Variants in ETV7 observed in about 807,000 individuals in gnomAD.
ETV7 encodes ETS variant transcription factor 7, also known as transcription factor ETV7.
A neutral mutation model predicts 39.1 loss-of-function variants in ETV7; 43 were observed. That is an observed-to-expected ratio of 1.10 (90% CI 0.86 to 1.42). The LOEUF (loss-of-function observed/expected upper bound fraction) is 1.42. ETV7 is among the 40% of genes most tolerant of loss of function. The probability of loss-of-function intolerance (pLI) is 0.00; values close to 1 mark genes in which losing one functional copy is unlikely to be tolerated. For synonymous variants in ETV7, 196 were observed against 176.6 expected (o/e 1.11, Z -0.87); for missense variants, 432 against 442.3 (o/e 0.98, Z 0.21).
chr6:36,378,326 A>G (rs1360230015), intron 2 of ETV7, among the ~76,000 whole-genome samples: 3 of 152,148 alleles, frequency 2.0e-5, no homozygotes, highest in Admixed American at 2.0e-4. Context: ...ACAAAAATCA[A>G]TTGTAGGTAG....
chr6:36,360,162 A>C (rs1375258537), intron 7 of ETV7, among the ~76,000 whole-genome samples: 1 of 152,128 alleles, frequency 6.6e-6, no homozygotes, highest in Non-Finnish European at 1.5e-5. Context: ...AAGTGCTGGG[A>C]TTACAGGCAT....
At position 36,373,507 on chromosome 6, in the gene ETV7, CA is replaced by C; in HGVS notation, c.378del (p.Phe126LeufsTer7). On this transcript the variant is annotated frameshift_variant, in exon 4 of 8. Transcript: ENST00000340181. LOFTEE classifies it high-confidence loss of function. ...GGCGTCTTCAGCCTGAAGATCCCTC[CA>C]AAAAAGGGCCCACACACCAGGGCTC... ...QRRALVCGPF[F>X]GGIFRLKTPT... 5.0e-6 allele frequency: 7 copies of C among 1,395,626 alleles called. No homozygotes were observed. The highest frequency in any genetic ancestry group is 3.8e-5 in the East Asian group (1 of 26,224). The allele number at this position is 1,395,626 out of a possible 1,614,324, so 86.5% of individuals were successfully genotyped here. A position where few individuals can be genotyped will look rare whatever the true frequency, so the allele number is the denominator to read the frequency against.
At chr6:36,377,686 C>T (rs541379835) in intron 2 of ETV7, among the ~76,000 whole-genome samples, 101 of 152,302 alleles carry the variant, frequency 6.6e-4, no homozygotes, top group African/African-American at 2.1e-3. Context: ...AGGAGATCTG[C>T]ATCTTTCCTT....
chr6:36,377,324 G>A (rs749899777), intron 2 of ETV7, among the ~76,000 whole-genome samples: 18 of 152,172 alleles, frequency 1.2e-4, no homozygotes, highest in South Asian at 4.2e-4. Context: ...AAATTTAGCC[G>A]GGCATAGTGA....
Position 36,371,395 on chromosome 6 carries a change from C to A in ETV7, c.599G>T (p.Cys200Phe), listed in dbSNP as rs555684593. 3 of 1,602,516 alleles carry A rather than the reference C, an allele frequency of 1.9e-6. No homozygotes were observed. In the South Asian group the frequency reaches 3.4e-5, roughly 18 times the overall value. ...GAAGGAACAGACCCCCTGGGTCCTG[C>A]AGCCGAGCTCTGCACAGTGACATAA... ...LNLCHCAELG[C>F]RTQGVCSFPA... Residue 200 changes from cysteine (C) to phenylalanine (F), a missense_variant, in exon 5 of 8, where the codon TGC (cysteine) becomes TTC (phenylalanine). Transcript: ENST00000340181.
At chr6:36,355,294 A>G (rs1344962329) in intron 7 of ETV7, among the ~76,000 whole-genome samples, 1 of 152,124 alleles carries the variant, frequency 6.6e-6, no homozygotes, top group Non-Finnish European at 1.5e-5. Flanking sequence ...ATGATAAGAC[A>G]CTTGGATTTT....
chr6:36,385,182 T>C (rs758831777), intron 2 of ETV7, among the ~76,000 whole-genome samples: 1 of 151,602 alleles, frequency 6.6e-6, no homozygotes, highest in Non-Finnish European at 1.5e-5. Flanking sequence ...TAAAAAAAAA[T>C]TTAATTTTAA....
intron 7 of ETV7, 22 bp downstream of exon 7, chr6:36,366,853 C>T: frequency 6.2e-7 from 1 of 1,613,272 alleles, no homozygotes; most frequent in South Asian, 1.1e-5. Context: ...TCCCCTTTCA[C>T]CACATCCCCT....
chr6:36,378,240 G>GAAAAAAAA (rs34940984), intron 2 of ETV7, among the ~76,000 whole-genome samples: 2 of 140,338 alleles, frequency 1.4e-5, no homozygotes, highest in Non-Finnish European at 3.0e-5. Context: ...ATCTAATATG[G>GAAAAAAAA]AAAAAAAAAA....
Position 36,366,267 on chromosome 6 carries a change from C to T in ETV7, c.*378G>A, listed in dbSNP as rs1366686761. ...AAGCACTAACACTTTTTCCCATTTCCTGCCTCAGCCCATTTCACAGGTGAG... is the reference window on the plus strand; with the variant it reads ...AAGCACTAACACTTTTTCCCATTTCTTGCCTCAGCCCATTTCACAGGTGAG... On this transcript the variant is annotated 3_prime_UTR_variant, in exon 8 of 8. Transcript: ENST00000340181. The T allele has an allele frequency of 1.9e-6, 2 of 1,057,328 alleles. No individual in the cohort carries two copies. The highest frequency in any genetic ancestry group is 1.7e-5 in the African/African-American group (1 of 60,274). 65.5% of individuals were successfully genotyped at this position (1,057,328 alleles called of 1,614,324 possible).
chr6:36,361,075 G>A (rs573362614), intron 7 of ETV7, among the ~76,000 whole-genome samples: 19 of 152,190 alleles, frequency 1.2e-4, no homozygotes, highest in African/African-American at 4.1e-4. Flanking sequence ...CCCATCCCCA[G>A]TATATGAGCA....
chr6:36,372,514 G>A (rs554129328), intron 4 of ETV7, among the ~76,000 whole-genome samples: 10 of 151,758 alleles, frequency 6.6e-5, no homozygotes, highest in Admixed American at 2.6e-4. Flanking sequence ...CAGTGAGGAC[G>A]TTCTCCAGAG....
intron 2 of ETV7, among the ~76,000 whole-genome samples, chr6:36,379,196 T>G (rs1310226696): frequency 6.6e-6 from 1 of 152,216 alleles, no homozygotes; most frequent in Non-Finnish European, 1.5e-5. Context: ...TCATATTTTT[T>G]GTGTAGTTCC....
chr6:36,379,488 C>G (rs1773540409), intron 2 of ETV7, among the ~76,000 whole-genome samples: 1 of 150,910 alleles, frequency 6.6e-6, no homozygotes, highest in African/African-American at 2.4e-5. Flanking sequence ...TTCACGGATG[C>G]AATGAGCTAT....
chr6:36,358,626 G>C (rs1329617014), intron 7 of ETV7, among the ~76,000 whole-genome samples: 1 of 152,188 alleles, frequency 6.6e-6, no homozygotes, highest in South Asian at 2.1e-4. Flanking sequence ...TGACCCTTGT[G>C]GGGGTGGTGG....
intron 6 of ETV7, 92 bp from the exon 7 acceptor site, chr6:36,367,067 T>A: frequency 2.1e-6 from 2 of 948,842 alleles, no homozygotes; most frequent in Non-Finnish European, 3.4e-6. Flanking sequence ...GACAGCTTCT[T>A]AAGCCTCTCA....
chr6:36,355,633 G>A (rs1262573373), intron 7 of ETV7, among the ~76,000 whole-genome samples: 2 of 152,178 alleles, frequency 1.3e-5, no homozygotes, highest in Admixed American at 6.5e-5. Context: ...GGCTGGTCTC[G>A]AACTCCTGGC....
intron 2 of ETV7, among the ~76,000 whole-genome samples, chr6:36,377,497 G>A (rs1166730843): frequency 6.6e-6 from 1 of 152,096 alleles, no homozygotes. Context: ...TTTTATGACT[G>A]CACTGGTGTA....
downstream of ETV7, among the ~76,000 whole-genome samples, chr6:36,363,388 T>TCGTGGGCTCGCTGGCTC (rs1772587519): frequency 6.6e-6 from 1 of 151,900 alleles, no homozygotes; most frequent in Admixed American, 6.6e-5. Context: ...CCCCGTGGGC[T>TCGTGGGCTCGCTGGCTC]CATGGGCTCG....
Sources: allele counts gnomAD v4.1 joint callset (sites outside exome capture counted in the v4.1 genomes callset), GRCh38; gene constraint gnomAD v4.1.1; transcripts MANE v1.5; gene names NCBI Gene and HGNC (gene_info 2026-07-23, HGNC 2026-07-21).